Variants in SHANK2 observed in about 807,000 individuals in gnomAD.
SHANK2 encodes the protein SH3 and multiple ankyrin repeat domains protein 2.
SHANK2 carries 43 observed loss-of-function variants against 133.7 expected under a neutral mutation model. That is an observed-to-expected ratio of 0.32 (90% CI 0.25 to 0.41). SHANK2 has a LOEUF of 0.41. Among genes scored for constraint, SHANK2 ranks in the 10% least tolerant of loss-of-function variants. SHANK2 has a pLI of 1.00. For synonymous variants in SHANK2, 1,017 were observed against 952.8 expected (o/e 1.07, Z -1.24); for missense variants, 1,994 against 2,235.8 (o/e 0.89, Z 2.18).
chr11:70,709,379 A>G (rs1259141342), intron 14 of SHANK2, among the ~76,000 whole-genome samples: 3 of 152,236 alleles, frequency 2.0e-5, no homozygotes, highest in African/African-American at 7.2e-5. Context: ...CCTCTGCCAC[A>G]TGGCAGGACC....
chr11:71,128,081 G>T (rs1311286042), intron 3 of SHANK2, among the ~76,000 whole-genome samples: 2 of 152,206 alleles, frequency 1.3e-5, no homozygotes, highest in Non-Finnish European at 2.9e-5. Flanking sequence ...GGAACACAAG[G>T]AGCTGCTCCG....
At chr11:71,199,660 C>A (rs532714754) in intron 2 of SHANK2, among the ~76,000 whole-genome samples, 182 of 152,340 alleles carry the variant, frequency 1.2e-3, no homozygotes, top group African/African-American at 4.3e-3. Flanking sequence ...GCCCCTAGGA[C>A]CTGAGCCCAG....
intron 2 of SHANK2, among the ~76,000 whole-genome samples, chr11:71,217,850 G>A (rs889914442): frequency 6.6e-6 from 1 of 152,122 alleles, no homozygotes; most frequent in East Asian, 1.9e-4. Flanking sequence ...AGAGTCAAGA[G>A]GTTTTTTGTT....
rs147368531 is a variant in SHANK2 at position 71,215,822 on chromosome 11, C to G, written c.-13+8875G>C. Among the ~76,000 whole-genome samples the G allele has an allele frequency of 2.8e-3, 420 of 152,288 alleles. 2 individuals are homozygous for G. Among genetic ancestry groups the G allele is most frequent in the Non-Finnish European group, 5.2e-3 (357 of 68,010 alleles). ...CCCCACTCTGTAGTCAGACCACAAC[C>G]TTTTTAGGGACAAGGAGTGGAGTCA... On this transcript the variant is annotated intron_variant, in intron 2 of 25. Coordinates refer to ENST00000601538, the MANE Select transcript of SHANK2 (RefSeq NM_012309.5).
At chr11:70,550,904 T>C (rs1893122) in intron 17 of SHANK2, among the ~76,000 whole-genome samples, 124,200 of 152,136 alleles carry the variant, frequency 0.82, 51,073 homozygotes, top group Middle Eastern at 0.93. Flanking sequence ...TGGATGGTTA[T>C]GGAGAGGAAC....
intron 14 of SHANK2, among the ~76,000 whole-genome samples, chr11:70,730,080 G>A (rs1009762728): frequency 2.0e-5 from 3 of 152,020 alleles, no homozygotes; most frequent in Non-Finnish European, 2.9e-5. Context: ...GTCAATGCAC[G>A]TGAAGCTCTT....
At chr11:70,915,990 C>T (rs1335762195) in intron 10 of SHANK2, among the ~76,000 whole-genome samples, 1 of 152,198 alleles carries the variant, frequency 6.6e-6, no homozygotes, top group Non-Finnish European at 1.5e-5. Context: ...CACCCTCCAC[C>T]TTGTTGTGCT....
chr11:71,063,016 AAGAT>A (rs1424417822), intron 9 of SHANK2, among the ~76,000 whole-genome samples: 2 of 150,424 alleles, frequency 1.3e-5, no homozygotes, highest in African/African-American at 2.4e-5. Context: ...AAAAAAAAAA[AAGAT>A]AGAGAGTAAG....
At chr11:70,639,911 G>A (rs1395390782) in intron 17 of SHANK2, among the ~76,000 whole-genome samples, 2 of 152,200 alleles carry the variant, frequency 1.3e-5, no homozygotes, top group African/African-American at 2.4e-5. Flanking sequence ...ACCCAGGGAC[G>A]GCCCCAAGGA....
chr11:70,657,025 C>T (rs191652611), intron 17 of SHANK2, among the ~76,000 whole-genome samples: 144 of 152,276 alleles, frequency 9.5e-4, no homozygotes, highest in Non-Finnish European at 1.7e-3. Flanking sequence ...TCTAGAGATA[C>T]CAAAGACATT....
intron 15 of SHANK2, among the ~76,000 whole-genome samples, chr11:70,680,703 C>T (rs782026547): frequency 1.3e-5 from 2 of 152,184 alleles, no homozygotes; most frequent in Non-Finnish European, 2.9e-5. Flanking sequence ...CTCTGGGCTC[C>T]ACAGTTCACT....
intron 15 of SHANK2, among the ~76,000 whole-genome samples, chr11:70,662,478 C>T (rs1246446050): frequency 6.6e-6 from 1 of 152,146 alleles, no homozygotes; most frequent in Non-Finnish European, 1.5e-5. Context: ...CCCCCCGGTC[C>T]CTTGCAGCCT....
chr11:70,688,281 G>A lies in SHANK2; in HGVS notation c.1853+10407C>T, dbSNP rs73527904. On this transcript the variant is annotated intron_variant, in intron 15 of 25. Coordinates refer to ENST00000601538, the MANE Select transcript of SHANK2 (RefSeq NM_012309.5). The stretch of plus-strand genomic sequence containing the variant: ...CCAACTGCTTTCAGAGGGTCTGAGC[G>A]TACCTCCAGCCAGAAAAACCTACCC... Among the ~76,000 whole-genome samples, 466 of 152,274 alleles carry A rather than the reference G, an allele frequency of 3.1e-3. 4 individuals carry two copies. Among genetic ancestry groups the A allele is most frequent in the African/African-American group, 0.011 (444 of 41,554 alleles).
intron 1 of SHANK2, among the ~76,000 whole-genome samples, chr11:71,245,060 A>G (rs1954942958): frequency 6.6e-6 from 1 of 151,566 alleles, no homozygotes; most frequent in African/African-American, 2.4e-5. Flanking sequence ...GGCTCACTGC[A>G]ACATCGACCT....
chr11:70,716,983 A>G (rs1945944019), intron 14 of SHANK2, among the ~76,000 whole-genome samples: 1 of 149,912 alleles, frequency 6.7e-6, no homozygotes, highest in African/African-American at 2.5e-5. Context: ...GTTGGTGAGA[A>G]GCTACTGGAG....
At chr11:70,547,904 A>G (rs1356521449) in intron 17 of SHANK2, among the ~76,000 whole-genome samples, 1 of 152,262 alleles carries the variant, frequency 6.6e-6, no homozygotes, top group Non-Finnish European at 1.5e-5. Context: ...ATGGCAGCAG[A>G]GTGAAGATAA....
chr11:70,554,506 AATTGCACTGCACAG>A (rs1454817595), intron 17 of SHANK2, among the ~76,000 whole-genome samples: 1 of 58,838 alleles, frequency 1.7e-5, no homozygotes, highest in Non-Finnish European at 4.6e-5. Flanking sequence ...TTTACAGAAA[AATTGCACTGCACAG>A]AAAGTTCAGA....
intron 17 of SHANK2, among the ~76,000 whole-genome samples, chr11:70,509,655 A>G (rs116571225): frequency 0.017 from 2,534 of 152,292 alleles, 75 homozygotes; most frequent in African/African-American, 0.058. Flanking sequence ...CTGCATGTCT[A>G]TGTCCCCCCA....
intron 2 of SHANK2, among the ~76,000 whole-genome samples, chr11:71,163,093 A>AAAAACATATATATATATATAT: frequency 1.5e-4 from 13 of 84,672 alleles, no homozygotes; most frequent in African/African-American, 6.0e-4. Context: ...AAAAAAAAAA[A>AAAAACATATATATATATATAT]ATACATATAT....
Sources: gnomAD v4.1 joint callset for allele counts (sites outside exome capture counted in the v4.1 genomes callset) on GRCh38, gnomAD v4.1.1 for gene constraint, MANE v1.5 for transcripts, NCBI Gene and HGNC (gene_info 2026-07-23, HGNC 2026-07-21) for gene names.